The following RGS5 variants were observed in gnomAD, a reference collection of about 807,000 sequenced individuals.
RGS5 encodes regulator of G-protein signalling 5.
A neutral mutation model predicts 18.9 loss-of-function variants in RGS5; 20 were observed. That is an observed-to-expected ratio of 1.06 (90% CI 0.74 to 1.54). The LOEUF is 1.54. Ranked by LOEUF, RGS5 falls within the 40% of genes most tolerant of loss-of-function variation. The probability of loss-of-function intolerance (pLI) is 0.00; values close to 1 mark genes in which losing one functional copy is unlikely to be tolerated. For missense variants in RGS5, 201 were observed against 211.8 expected (o/e 0.95, Z 0.32); for synonymous variants, 57 against 76.2 (o/e 0.75, Z 1.31).
chr1:163,144,718 C>T lies in RGS5; in HGVS notation c.*2624G>A, dbSNP rs1284376832. The T allele has an allele frequency of 6.6e-6, 1 of 152,520 alleles. No individual in the cohort carries two copies. The highest frequency in any genetic ancestry group is 1.5e-5 in the Non-Finnish European group (1 of 68,000). 9.4% of individuals were successfully genotyped at this position (152,520 alleles called of 1,614,324 possible). A position where few individuals can be genotyped will look rare whatever the true frequency, so the allele number is the denominator to read the frequency against. On this transcript the variant is annotated 3_prime_UTR_variant, in exon 5 of 5. Transcript: ENST00000313961. Reference sequence around the variant, plus strand: ...AAGATCACCCCACTTTTTCTAATTTCCCAGAATTAAAAGAATGTATTTTAT... The same window carrying T: ...AAGATCACCCCACTTTTTCTAATTTTCCAGAATTAAAAGAATGTATTTTAT...
chr1:163,266,630 C>T (rs1284075502), intron 2 of RGS5: 2 of 152,116 alleles, frequency 1.3e-5, no homozygotes, highest in Non-Finnish European at 2.9e-5. Context: ...TCTGTGAATT[C>T]GTATGTCACT....
chr1:163,279,078 G>T (rs538027161), intron 2 of RGS5, among the ~76,000 whole-genome samples: 1 of 152,208 alleles, frequency 6.6e-6, no homozygotes, highest in South Asian at 2.1e-4. Context: ...AATAATTGGG[G>T]ACTTCAACAG....
rs111724914 is a variant in RGS5 at position 163,257,496 on chromosome 1, C to T, written c.-281+48737G>A. ...CCCAGACTCCCAGCCTGCCATCAAACGCCCAAATTTTTCCCTCTATTTCCA... is the reference window on the plus strand; with the variant it reads ...CCCAGACTCCCAGCCTGCCATCAAATGCCCAAATTTTTCCCTCTATTTCCA... On this transcript the variant is annotated intron_variant, in intron 2 of 5. Coordinates refer to the RGS5 transcript ENST00000618415. Among the ~76,000 whole-genome samples, 1,026 of 152,204 alleles carry T rather than the reference C, an allele frequency of 6.7e-3. 12 individuals carry two copies. Among genetic ancestry groups the T allele is most frequent in the African/African-American group, 0.023 (953 of 41,526 alleles).
intron 2 of RGS5, among the ~76,000 whole-genome samples, chr1:163,231,632 TA>T (rs753330670): frequency 2.6e-5 from 4 of 152,016 alleles, no homozygotes; most frequent in Non-Finnish European, 5.9e-5. Flanking sequence ...TGATGGAGAA[TA>T]AACTGAACTT....
chr1:163,241,974 C>T (rs996164861), intron 2 of RGS5, among the ~76,000 whole-genome samples: 4 of 152,026 alleles, frequency 2.6e-5, no homozygotes, highest in East Asian at 1.9e-4. Context: ...ATTAATTGTC[C>T]GTAGAGTATT....
chr1:163,205,551 T>C (rs191209058), upstream of RGS5, among the ~76,000 whole-genome samples: 50 of 152,258 alleles, frequency 3.3e-4, no homozygotes, highest in Non-Finnish European at 5.9e-4. Context: ...TTTCAACCAC[T>C]TCTTCATGGA....
intron 2 of RGS5, among the ~76,000 whole-genome samples, chr1:163,229,742 G>A (rs1004410299): frequency 6.6e-6 from 1 of 152,150 alleles, no homozygotes; most frequent in African/African-American, 2.4e-5. Flanking sequence ...TGGCTTTTCA[G>A]TGAGACTTTT....
rs2101708693 is a variant in RGS5 at position 163,265,756 on chromosome 1, C to T, written c.-281+40477G>A. Reference sequence around the variant, plus strand: ...TTCAGTTCACTTATCCTCACTCTTTCTCTAAAACTTTTCCACATAATCATC... The same window carrying T: ...TTCAGTTCACTTATCCTCACTCTTTTTCTAAAACTTTTCCACATAATCATC... On this transcript the variant is annotated intron_variant, in intron 2 of 5. Coordinates refer to the RGS5 transcript ENST00000618415. 2.6e-5 allele frequency among the ~76,000 whole-genome samples: 4 copies of T among 152,222 alleles called. No homozygotes were observed. The Middle Eastern group carries it at 0.014, about 518-fold the overall frequency.
chr1:163,241,378 G>A (rs1647788367), intron 2 of RGS5, among the ~76,000 whole-genome samples: 1 of 152,012 alleles, frequency 6.6e-6, no homozygotes, highest in Admixed American at 6.6e-5. Flanking sequence ...AACATAGCTG[G>A]GAGATTCTCT....
At chr1:163,305,725 A>G (rs1319486322) in intron 2 of RGS5, among the ~76,000 whole-genome samples, 1 of 152,182 alleles carries the variant, frequency 6.6e-6, no homozygotes, top group Non-Finnish European at 1.5e-5. Context: ...CAGGTTCTAC[A>G]GATCAGAAAG....
intron 1 of RGS5, among the ~76,000 whole-genome samples, chr1:163,312,368 A>G (rs1372712712): frequency 6.6e-6 from 1 of 152,214 alleles, no homozygotes; most frequent in Admixed American, 6.5e-5. Flanking sequence ...GACTAATACA[A>G]TAATTATGTG....
At chr1:163,200,919 T>C (rs1659749521) in intron 1 of RGS5, among the ~76,000 whole-genome samples, 1 of 152,146 alleles carries the variant, frequency 6.6e-6, no homozygotes, top group Non-Finnish European at 1.5e-5. Context: ...AATACAGTAA[T>C]AGGAATCATT....
chr1:163,222,843 T>C (rs1383471652), intron 2 of RGS5, among the ~76,000 whole-genome samples: 1 of 152,030 alleles, frequency 6.6e-6, no homozygotes, highest in African/African-American at 2.4e-5. Flanking sequence ...AGTGAGCTGC[T>C]TCTCTATTTA....
chr1:163,230,068 T>C (rs1389392596), intron 2 of RGS5, among the ~76,000 whole-genome samples: 1 of 152,236 alleles, frequency 6.6e-6, no homozygotes, highest in East Asian at 1.9e-4. Context: ...CTCTGTAAAT[T>C]AAGGCCATAA....
chr1:163,313,379 T>A (rs1183843341), intron 1 of RGS5, among the ~76,000 whole-genome samples: 1 of 152,170 alleles, frequency 6.6e-6, no homozygotes, highest in Non-Finnish European at 1.5e-5. Flanking sequence ...ATCACTAAGC[T>A]GTGAAATATT....
intron 2 of RGS5, among the ~76,000 whole-genome samples, chr1:163,228,871 C>T (rs752707458): frequency 3.8e-4 from 58 of 152,202 alleles, no homozygotes; most frequent in Admixed American, 2.2e-3. Context: ...GCCACCTTTG[C>T]CCCCGTTCCC....
upstream of RGS5, among the ~76,000 whole-genome samples, chr1:163,220,393 A>G (rs1358961591): frequency 2.0e-5 from 3 of 152,178 alleles, no homozygotes; most frequent in Non-Finnish European, 4.4e-5. Context: ...CTAAGTATCC[A>G]AACTTTCTAT....
chr1:163,252,130 T>C (rs908914689), intron 2 of RGS5, among the ~76,000 whole-genome samples: 2 of 152,198 alleles, frequency 1.3e-5, no homozygotes, highest in Non-Finnish European at 2.9e-5. Context: ...GAGCAATGTA[T>C]GAAAGATCTA....
intron 1 of RGS5, among the ~76,000 whole-genome samples, chr1:163,307,306 T>C (rs1264776864): frequency 6.6e-6 from 1 of 152,230 alleles, no homozygotes; most frequent in Non-Finnish European, 1.5e-5. Context: ...AATGAAATAA[T>C]TTTCTTCCAC....
Sources: allele counts gnomAD v4.1 joint callset (sites outside exome capture counted in the v4.1 genomes callset), GRCh38; gene constraint gnomAD v4.1.1; transcripts MANE v1.5; gene names NCBI Gene and HGNC (gene_info 2026-07-23, HGNC 2026-07-21).